TMEM117: variants seen among roughly 807,000 people sequenced by gnomAD.
TMEM117 encodes the protein transmembrane protein 117.
Under a neutral mutation model 52.4 loss-of-function variants are expected in TMEM117, and 27 were observed. That is an observed-to-expected ratio of 0.51 (90% CI 0.38 to 0.71). TMEM117 has a LOEUF of 0.71. Among genes scored for constraint, TMEM117 ranks in the 30% least tolerant of loss-of-function variants. The pLI is 0.00. For synonymous variants in TMEM117, 215 were observed against 206.3 expected, an observed-to-expected ratio of 1.04 and a Z score of -0.36; for missense variants, 556 against 630.5, an observed-to-expected ratio of 0.88 and a Z score of 1.26.
chr12:44,025,966 C>T (rs932459176), intron 3 of TMEM117, among the ~76,000 whole-genome samples: 2 of 152,090 alleles, frequency 1.3e-5, no homozygotes, highest in Non-Finnish European at 1.5e-5. Context: ...GCCAGGTCAC[C>T]GTTCTTCTCA....
chr12:44,070,694 G>T (rs765906688), intron 3 of TMEM117, among the ~76,000 whole-genome samples: 6 of 152,192 alleles, frequency 3.9e-5, no homozygotes, highest in Non-Finnish European at 8.8e-5. Flanking sequence ...TGACAGGGCA[G>T]AGACTAACAC....
downstream of TMEM117, among the ~76,000 whole-genome samples, chr12:44,390,351 T>C (rs561416400): frequency 2.2e-4 from 34 of 152,216 alleles, no homozygotes; most frequent in African/African-American, 7.5e-4. Flanking sequence ...CCTAGAACAT[T>C]CAACTTTTAG....
chr12:44,308,674 C>T (rs1350456105), intron 6 of TMEM117, among the ~76,000 whole-genome samples: 2 of 148,848 alleles, frequency 1.3e-5, no homozygotes, highest in Admixed American at 6.7e-5. Flanking sequence ...GGCTGGAGTG[C>T]AGTGGCGCCA....
intron 6 of TMEM117, among the ~76,000 whole-genome samples, chr12:44,342,008 G>A (rs1297853117): frequency 1.3e-5 from 2 of 151,986 alleles, no homozygotes; most frequent in Non-Finnish European, 2.9e-5. Flanking sequence ...ATTCTTAGAG[G>A]CTACCATATT....
At chr12:43,932,664 A>G (rs528001926) in intron 2 of TMEM117, among the ~76,000 whole-genome samples, 1 of 152,208 alleles carries the variant, frequency 6.6e-6, no homozygotes, top group African/African-American at 2.4e-5. Flanking sequence ...GTTGAAATAC[A>G]TTATTCTTGG....
chr12:43,980,624 G>C (rs549920706), intron 3 of TMEM117, among the ~76,000 whole-genome samples: 1 of 151,188 alleles, frequency 6.6e-6, no homozygotes, highest in South Asian at 2.1e-4. Flanking sequence ...CTTACTGACT[G>C]TGCAGTCTCT....
At chr12:44,299,781 C>T (rs370235894) in intron 6 of TMEM117, 42 bp downstream of exon 6, 3 of 1,608,554 alleles carry the variant, frequency 1.9e-6, no homozygotes, top group African/African-American at 1.3e-5. Flanking sequence ...GCTGCATGCT[C>T]TGTTCCCAGT....
intron 3 of TMEM117, among the ~76,000 whole-genome samples, chr12:44,089,267 G>A (rs1947622947): frequency 6.6e-6 from 1 of 152,156 alleles, no homozygotes. Context: ...GAACTAGTTA[G>A]AAGAAATATA....
chr12:44,317,773 G>C (rs573674837), intron 6 of TMEM117, among the ~76,000 whole-genome samples: 1 of 152,150 alleles, frequency 6.6e-6, no homozygotes, highest in South Asian at 2.1e-4. Flanking sequence ...CAACGTGAAC[G>C]GGTATATATT....
At chr12:44,008,159 C>T (rs1946231544) in intron 3 of TMEM117, among the ~76,000 whole-genome samples, 1 of 152,176 alleles carries the variant, frequency 6.6e-6, no homozygotes. Flanking sequence ...ACCAAGACTG[C>T]CTCCCAGATT....
chr12:44,126,378 ATTC>A (rs780762392), intron 3 of TMEM117, among the ~76,000 whole-genome samples: 1 of 152,198 alleles, frequency 6.6e-6, no homozygotes, highest in East Asian at 1.9e-4. Context: ...TCAACTTCCA[ATTC>A]TTCTTCACTC....
At chr12:44,003,419 C>T (rs972554475) in intron 3 of TMEM117, among the ~76,000 whole-genome samples, 14 of 152,222 alleles carry the variant, frequency 9.2e-5, no homozygotes, top group East Asian at 3.8e-4. Flanking sequence ...TGACTTCCAA[C>T]CTCAGGCCTC....
intron 5 of TMEM117, among the ~76,000 whole-genome samples, chr12:44,261,913 A>G (rs990233109): frequency 1.3e-5 from 2 of 152,170 alleles, no homozygotes; most frequent in African/African-American, 2.4e-5. Flanking sequence ...GTAATTCTCT[A>G]TTGATTTGGG....
At chr12:44,090,266 C>T (rs1484501169) in intron 3 of TMEM117, among the ~76,000 whole-genome samples, 1 of 152,052 alleles carries the variant, frequency 6.6e-6, no homozygotes, top group Non-Finnish European at 1.5e-5. Flanking sequence ...TTCTACTTAT[C>T]TTGTCACTCA....
rs2138793214 is a variant in TMEM117, at chr12:44,355,727, A to G, written c.769-20868A>G. On this transcript the variant is annotated intron_variant, in intron 6 of 7. Coordinates refer to ENST00000266534, the MANE Select transcript of TMEM117 (RefSeq NM_032256.3). ...ACCAAATTTTTGAACAATTTTGGAAACACTGAAGACTCCTGCTTTGTATTC... is the reference window on the plus strand; with the variant it reads ...ACCAAATTTTTGAACAATTTTGGAAGCACTGAAGACTCCTGCTTTGTATTC... Among the ~76,000 whole-genome samples the G allele has an allele frequency of 1.3e-5, 2 of 152,162 alleles. 1 individual carries two copies. The highest frequency in any genetic ancestry group is 6.8e-3 in the Middle Eastern group (2 of 294).
intron 5 of TMEM117, among the ~76,000 whole-genome samples, chr12:44,274,521 A>T (rs1950488554): frequency 6.6e-6 from 1 of 152,056 alleles, no homozygotes; most frequent in Non-Finnish European, 1.5e-5. Flanking sequence ...AAAGAACTAA[A>T]CTGGAGTAGT....
chr12:44,360,826 A>G (rs985792490), intron 6 of TMEM117, among the ~76,000 whole-genome samples: 5 of 152,134 alleles, frequency 3.3e-5, no homozygotes, highest in Non-Finnish European at 7.4e-5. Context: ...TGCTGATCTG[A>G]AGTCACATAC....
chr12:44,049,681 T>C (rs1565807302), intron 3 of TMEM117, among the ~76,000 whole-genome samples: 1 of 152,336 alleles, frequency 6.6e-6, no homozygotes, highest in East Asian at 1.9e-4. Context: ...ATAATGATTT[T>C]TCATTAATTA....
At chr12:44,004,736 C>T (rs1285345606) in intron 3 of TMEM117, among the ~76,000 whole-genome samples, 1 of 152,112 alleles carries the variant, frequency 6.6e-6, no homozygotes, top group Non-Finnish European at 1.5e-5. Context: ...ATTCCACCCC[C>T]AGCCATCACC....
Sources: gnomAD v4.1 joint callset for allele counts (sites outside exome capture counted in the v4.1 genomes callset) on GRCh38, gnomAD v4.1.1 for gene constraint, MANE v1.5 for transcripts, NCBI Gene and HGNC (gene_info 2026-07-23, HGNC 2026-07-21) for gene names.